STK31: variants seen among roughly 807,000 people sequenced by gnomAD.
The protein encoded by STK31 is serine/threonine-protein kinase 31.
In STK31, 89 loss-of-function variants were observed where a neutral mutation model predicts 129.7. The observed-to-expected ratio is 0.69, with a 90% CI of 0.58 to 0.82. The LOEUF (loss-of-function observed/expected upper bound fraction) is 0.82, where lower values mean the gene tolerates loss of function less well. Among genes scored for constraint, STK31 ranks in the 40% least tolerant of loss-of-function variants. The pLI, the probability that STK31 is intolerant of heterozygous loss-of-function variation, is 0.00. For missense variants in STK31, 1,187 were observed against 1,176.4 expected, an observed-to-expected ratio of 1.01 and a Z score of -0.13; for synonymous variants, 448 against 395.3, an observed-to-expected ratio of 1.13 and a Z score of -1.58.
intron 14 of STK31, 38 bp from the exon 15 acceptor site, chr7:23,772,106 TTTC>T: frequency 7.0e-7 from 1 of 1,426,538 alleles, no homozygotes; most frequent in Non-Finnish European, 9.5e-7. Context: ...AATAAATACT[TTTC>T]TTATGTGTTT....
At chr7:23,798,002 G>T (rs1054148592) in intron 22 of STK31, among the ~76,000 whole-genome samples, 1 of 152,146 alleles carries the variant, frequency 6.6e-6, no homozygotes, top group Non-Finnish European at 1.5e-5. Context: ...AAATCTAGAA[G>T]AAATGGAAAA....
chr7:23,757,142 C>T (rs1391160332), intron 10 of STK31, among the ~76,000 whole-genome samples: 1 of 152,052 alleles, frequency 6.6e-6, no homozygotes, highest in Non-Finnish European at 1.5e-5. Context: ...GGTCGGTAGG[C>T]TGTTAATTAC....
intron 15 of STK31, among the ~76,000 whole-genome samples, chr7:23,780,457 G>A (rs1229283078): frequency 2.0e-5 from 3 of 152,176 alleles, no homozygotes; most frequent in African/African-American, 7.2e-5. Context: ...ATTTAAAAGG[G>A]AAAGGATGGA....
chr7:23,720,543 T>C (rs1786631668), intron 4 of STK31, among the ~76,000 whole-genome samples: 2 of 152,132 alleles, frequency 1.3e-5, no homozygotes, highest in African/African-American at 2.4e-5. Flanking sequence ...AAATACACTT[T>C]TAAAATGCTA....
At chr7:23,798,025 A>G (rs1427666615) in intron 22 of STK31, among the ~76,000 whole-genome samples, 1 of 152,198 alleles carries the variant, frequency 6.6e-6, no homozygotes. Context: ...TCCTGGACAC[A>G]TACACCCTCC....
intron 8 of STK31, among the ~76,000 whole-genome samples, chr7:23,752,030 A>G (rs1788744509): frequency 1.3e-5 from 2 of 152,106 alleles, no homozygotes; most frequent in Non-Finnish European, 2.9e-5. Flanking sequence ...GGAAAGATGA[A>G]AAAGTTCTGG....
intron 18 of STK31, 149 bp downstream of exon 18, chr7:23,785,752 C>A: frequency 2.1e-6 from 2 of 966,020 alleles, no homozygotes; most frequent in South Asian, 2.3e-5. Flanking sequence ...GTTTGGTTGC[C>A]AGAACTAATT....
intron 22 of STK31, among the ~76,000 whole-genome samples, chr7:23,797,181 C>A (rs1436011055): frequency 6.6e-6 from 1 of 151,480 alleles, no homozygotes; most frequent in Non-Finnish European, 1.5e-5. Flanking sequence ...CTTTAACACC[C>A]CACCGTCAAT....
intron 11 of STK31, among the ~76,000 whole-genome samples, chr7:23,763,288 T>C (rs895520250): frequency 6.6e-6 from 1 of 152,054 alleles, no homozygotes; most frequent in Non-Finnish European, 1.5e-5. Context: ...ATCCATAAAT[T>C]ATAGGGTTTT....
chr7:23,822,485 A>G (rs1304044897), intron 23 of STK31, among the ~76,000 whole-genome samples: 4 of 152,162 alleles, frequency 2.6e-5, no homozygotes, highest in East Asian at 1.9e-4. Flanking sequence ...TGTTGATTCT[A>G]TATCCTGCGA....
intron 22 of STK31, among the ~76,000 whole-genome samples, chr7:23,805,826 C>T (rs895320487): frequency 2.6e-5 from 4 of 152,304 alleles, no homozygotes; most frequent in Admixed American, 2.0e-4. Flanking sequence ...CTCTTTATAA[C>T]ATGGTGGTAA....
intron 16 of STK31, among the ~76,000 whole-genome samples, chr7:23,782,711 A>G (rs1020671453): frequency 1.3e-5 from 2 of 152,168 alleles, no homozygotes; most frequent in Admixed American, 1.3e-4. Context: ...CATTTATTTC[A>G]AAGTTACTTA....
At chr7:23,790,361 T>G (rs1396614487) in intron 21 of STK31, among the ~76,000 whole-genome samples, 1 of 152,172 alleles carries the variant, frequency 6.6e-6, no homozygotes, top group Non-Finnish European at 1.5e-5. Context: ...GTAACCAAGA[T>G]CTGCCTGAAT....
intron 10 of STK31, among the ~76,000 whole-genome samples, chr7:23,762,155 A>G (rs1008759545): frequency 2.6e-5 from 4 of 152,006 alleles, no homozygotes; most frequent in African/African-American, 7.2e-5. Flanking sequence ...TTACATATGT[A>G]TACATGTGCC....
chr7:23,792,800 T>C (rs759586649), intron 22 of STK31, among the ~76,000 whole-genome samples: 1 of 152,148 alleles, frequency 6.6e-6, no homozygotes, highest in Non-Finnish European at 1.5e-5. Context: ...TGCAGGAGGA[T>C]TGCTTAATGC....
intron 6 of STK31, among the ~76,000 whole-genome samples, chr7:23,732,968 GGTT>G (rs1333523677): frequency 6.6e-6 from 1 of 152,102 alleles, no homozygotes; most frequent in African/African-American, 2.4e-5. Context: ...TATATTTTGA[GGTT>G]GTTAGCTTTG....
chr7:23,810,046 C>T (rs540302151), intron 22 of STK31, among the ~76,000 whole-genome samples: 1 of 152,254 alleles, frequency 6.6e-6, no homozygotes, highest in East Asian at 1.9e-4. Context: ...TTGCCTATTT[C>T]TCCTTTCAAC....
intron 15 of STK31, 112 bp downstream of exon 15, chr7:23,772,390 T>G (rs2128104398): frequency 8.8e-7 from 1 of 1,137,296 alleles, no homozygotes; most frequent in East Asian, 2.7e-5. Flanking sequence ...AGCCATTACA[T>G]TCACATTTTG....
chr7:23,780,188 T>A (rs1790830662), intron 15 of STK31, among the ~76,000 whole-genome samples: 1 of 152,042 alleles, frequency 6.6e-6, no homozygotes, highest in South Asian at 2.1e-4. Context: ...CTAGTCCCAG[T>A]GAGATAAGCC....
Sources: allele counts gnomAD v4.1 joint callset (sites outside exome capture counted in the v4.1 genomes callset), GRCh38; gene constraint gnomAD v4.1.1; transcripts MANE v1.5; gene names NCBI Gene and HGNC (gene_info 2026-07-23, HGNC 2026-07-21).